IGF2R: variants seen among roughly 807,000 people sequenced by gnomAD.
The protein encoded by IGF2R is insulin like growth factor 2 receptor, also known as cation-independent mannose-6-phosphate receptor.
IGF2R carries 91 observed loss-of-function variants against 270.6 expected under a neutral mutation model. The ratio of observed to expected loss-of-function variants is 0.34; its 90% CI spans 0.28 to 0.40. The LOEUF (loss-of-function observed/expected upper bound fraction) is 0.40. IGF2R is among the 10% of genes least tolerant of loss of function. IGF2R has a pLI of 1.00. For synonymous variants in IGF2R, 1,316 were observed against 1,258.9 expected (o/e 1.05, Z -0.96); for missense variants, 2,805 against 3,188.3 (o/e 0.88, Z 2.90).
At chr6:160,057,228 G>A (rs546870860) in intron 20 of IGF2R, among the ~76,000 whole-genome samples, 1 of 152,206 alleles carries the variant, frequency 6.6e-6, no homozygotes, top group Admixed American at 6.5e-5. Context: ...CCCGCCTTCT[G>A]CCCGGGTCCA....
At chr6:159,974,252 A>G (rs1783654805) in intron 1 of IGF2R, among the ~76,000 whole-genome samples, 1 of 150,492 alleles carries the variant, frequency 6.6e-6, no homozygotes, top group South Asian at 2.1e-4. Context: ...CAAGAAAGGA[A>G]CATCTTTTCT....
intron 11 of IGF2R, 77 bp downstream of exon 11, chr6:160,040,801 G>T (rs1464074283): frequency 1.4e-6 from 2 of 1,438,628 alleles, no homozygotes; most frequent in African/African-American, 2.8e-5. Context: ...TTGGAAATGC[G>T]GTTACTATTT....
Position 160,102,546 on chromosome 6 carries a change from G to A in IGF2R, c.6870G>A (p.Gly2290=). The A allele has an allele frequency of 1.2e-6, 2 of 1,612,886 alleles. No homozygotes were observed. The highest frequency in any genetic ancestry group is 1.7e-6 in the Non-Finnish European group (2 of 1,179,874). Residue 2290 remains glycine (G), a synonymous_variant, in exon 46 of 48, where the codon GGG becomes GGA. Transcript: ENST00000356956. The surrounding 1 kb of genome is among the most constrained non-coding windows in gnomAD (Gnocchi z 4.5). ...TGGGCTTTGACAGCGAGAATCCCGG[G>A]GACGACGGGCAGATGCACAAGGGGC... ...LGVGFDSENP[G]DDGQMHKGLS...
intron 2 of IGF2R, among the ~76,000 whole-genome samples, chr6:159,993,394 T>C (rs958882503): frequency 6.6e-6 from 1 of 152,198 alleles, no homozygotes; most frequent in Admixed American, 6.5e-5. Flanking sequence ...CCAACTTTTG[T>C]ATATGGTGAG....
chr6:160,037,495 T>C (rs1285042037), intron 10 of IGF2R, among the ~76,000 whole-genome samples: 5 of 152,242 alleles, frequency 3.3e-5, no homozygotes, highest in Non-Finnish European at 7.3e-5. Flanking sequence ...TAATTGGCTA[T>C]GTAATAGAAG....
chr6:160,050,732 G>T lies in IGF2R; in HGVS notation c.2694+80G>T, dbSNP rs1778178246. On this transcript the variant is annotated intron_variant, in intron 19 of 47. Transcript: ENST00000356956. The surrounding 1 kb of genome is among the most constrained non-coding windows in gnomAD (Gnocchi z 4.0). ...TTGCCTTATGTGTCTCTTAACAGCA[G>T]CAGTCTTGGGGTGGGTGGCGGAGCT... 2 of 1,327,690 alleles carry T rather than the reference G, an allele frequency of 1.5e-6. No individual in the cohort carries two copies. The highest frequency in any genetic ancestry group is 2.8e-5 in the South Asian group (2 of 70,214). The allele number at this position is 1,327,690 out of a possible 1,614,324, so 82.2% of individuals were successfully genotyped here.
chr6:160,045,595 A>T, intron 13 of IGF2R, 150 bp from the exon 14 acceptor site: 2 of 834,586 alleles, frequency 2.4e-6, no homozygotes, highest in Non-Finnish European at 4.0e-6. Flanking sequence ...GGAATGCTAC[A>T]GTATTTGTAG....
intron 19 of IGF2R, among the ~76,000 whole-genome samples, chr6:160,054,353 C>T (rs1054284795): frequency 1.3e-5 from 2 of 152,154 alleles, no homozygotes; most frequent in African/African-American, 4.8e-5. Flanking sequence ...CAGTTGGGCC[C>T]TGTATGTCGA....
chr6:160,070,606 G>A (rs1415098471), intron 31 of IGF2R, among the ~76,000 whole-genome samples: 2 of 152,246 alleles, frequency 1.3e-5, no homozygotes, highest in Non-Finnish European at 2.9e-5. Context: ...CCTGTGATCA[G>A]TTCTTCCCTT....
intron 7 of IGF2R, among the ~76,000 whole-genome samples, chr6:160,030,534 G>A (rs1315413746): frequency 6.6e-6 from 1 of 152,190 alleles, no homozygotes; most frequent in Non-Finnish European, 1.5e-5. Context: ...AGGCCGGAGT[G>A]TCTGATGTTT....
chr6:159,994,264 G>A (rs181574941), intron 2 of IGF2R, among the ~76,000 whole-genome samples: 1 of 152,010 alleles, frequency 6.6e-6, no homozygotes, highest in East Asian at 1.9e-4. Flanking sequence ...AGTAGCCTCT[G>A]ATGATCTTTT....
At chr6:159,986,402 TTGTGTGTGTG>T (rs56105769) in intron 1 of IGF2R, among the ~76,000 whole-genome samples, 12 of 131,964 alleles carry the variant, frequency 9.1e-5, no homozygotes, top group South Asian at 2.7e-4. Context: ...TGGCTAATTT[TTGTGTGTGTG>T]TGTGTGTGTG....
intron 5 of IGF2R, among the ~76,000 whole-genome samples, 175 bp downstream of exon 5, chr6:160,024,879 A>G (rs1777525424): frequency 6.6e-6 from 1 of 152,122 alleles, no homozygotes; most frequent in African/African-American, 2.4e-5. Flanking sequence ...CTTCTCCCCC[A>G]GTAGATTCCA....
rs1357681990 is a variant in IGF2R at position 159,998,222 on chromosome 6, A to G, written c.289+6899A>G. Among the ~76,000 whole-genome samples, 5 of 152,216 alleles carry G rather than the reference A, an allele frequency of 3.3e-5. No individual in the cohort carries two copies. Among genetic ancestry groups the G allele is most frequent in the South Asian group, 2.1e-4 (1 of 4,830 alleles). On this transcript the variant is annotated intron_variant, in intron 2 of 47. Coordinates refer to ENST00000356956, the MANE Select transcript of IGF2R (RefSeq NM_000876.4). This position sits in a 1 kb window ranked among gnomAD's most constrained non-coding sequence, Gnocchi z 4.1. ...AAGTAGCTTTCTTCTTGATTTTATT[A>G]TAATACTTCAATATTTTTGGCTAAT...
At chr6:160,061,390 C>G in intron 23 of IGF2R, 113 bp from the exon 24 acceptor site, 1 of 928,896 alleles carries the variant, frequency 1.1e-6, no homozygotes, top group Non-Finnish European at 1.7e-6. Flanking sequence ...CTTATCCTCA[C>G]AGTTAGGAAT....
At chr6:160,020,963 C>G (rs1471761182) in intron 4 of IGF2R, among the ~76,000 whole-genome samples, 3 of 152,172 alleles carry the variant, frequency 2.0e-5, no homozygotes, top group Admixed American at 2.0e-4. Flanking sequence ...CTTTATTAAA[C>G]TTAAAAACTT....
chr6:160,093,874 A>C, intron 44 of IGF2R: 1 of 726,140 alleles, frequency 1.4e-6, no homozygotes, highest in South Asian at 1.4e-5. Flanking sequence ...GCAGTATCGC[A>C]GACAGGACCA....
At chr6:160,097,248 G>A (rs1456100268) in intron 45 of IGF2R, among the ~76,000 whole-genome samples, 2 of 152,154 alleles carry the variant, frequency 1.3e-5, no homozygotes, top group Non-Finnish European at 2.9e-5. Context: ...ACTTTGCCAC[G>A]AATAACATGT....
chr6:159,969,545 C>A, intron 1 of IGF2R, 150 bp downstream of exon 1: 1 of 597,598 alleles, frequency 1.7e-6, no homozygotes, highest in Non-Finnish European at 2.3e-6. Context: ...GGAAAGTTGC[C>A]TGCGTGGTGT....
Sources: gnomAD v4.1 joint callset for allele counts (sites outside exome capture counted in the v4.1 genomes callset) on GRCh38, gnomAD v4.1.1 for gene constraint, Gnocchi (gnomAD v3.1) non-coding constraint, MANE v1.5 for transcripts, NCBI Gene and HGNC (gene_info 2026-07-23, HGNC 2026-07-21) for gene names.